Variants in ARL15 observed in about 807,000 individuals in gnomAD.
ARL15 encodes ARF like GTPase 15.
In ARL15, 19 loss-of-function variants were observed where a neutral mutation model predicts 25.2. The ratio of observed to expected loss-of-function variants is 0.75; its 90% CI spans 0.53 to 1.10. The LOEUF (loss-of-function observed/expected upper bound fraction) is 1.10. Ranked by LOEUF, ARL15 falls within the 50% of genes least tolerant of loss-of-function variation. The pLI is 0.00. For synonymous variants in ARL15, 94 were observed against 86.8 expected, an observed-to-expected ratio of 1.08 and a Z score of -0.46; for missense variants, 220 against 246.0, an observed-to-expected ratio of 0.89 and a Z score of 0.71.
At chr5:54,089,435 C>A (rs887259852) in intron 4 of ARL15, among the ~76,000 whole-genome samples, 2 of 151,944 alleles carry the variant, frequency 1.3e-5, no homozygotes, top group Non-Finnish European at 2.9e-5. Context: ...TCACATAATC[C>A]TCCCCATAAT....
chr5:54,296,215 G>A (rs1218012661), intron 1 of ARL15, among the ~76,000 whole-genome samples: 1 of 152,176 alleles, frequency 6.6e-6, no homozygotes, highest in African/African-American at 2.4e-5. Context: ...AGGCTGGTAG[G>A]GGGAAAATGA....
intron 4 of ARL15, among the ~76,000 whole-genome samples, chr5:54,109,182 T>G (rs1333033024): frequency 6.6e-6 from 1 of 152,022 alleles, no homozygotes; most frequent in African/African-American, 2.4e-5. Context: ...TATTTTCCTG[T>G]GTTAATGAGC....
At chr5:53,974,641 T>A (rs1282846797) in intron 4 of ARL15, among the ~76,000 whole-genome samples, 1 of 152,244 alleles carries the variant, frequency 6.6e-6, no homozygotes, top group South Asian at 2.1e-4. Context: ...GACAAATATT[T>A]AATAAACATG....
intron 4 of ARL15, among the ~76,000 whole-genome samples, chr5:54,071,912 G>T (rs1033681867): frequency 6.6e-6 from 1 of 150,538 alleles, no homozygotes; most frequent in Non-Finnish European, 1.5e-5. Context: ...GGTGGAGGTT[G>T]CAGTGAGCCA....
chr5:53,926,120 C>T lies in ARL15; in HGVS notation c.463-39407G>A, dbSNP rs533200418. Among the ~76,000 whole-genome samples the T allele has an allele frequency of 1.1e-3, 171 of 151,484 alleles. 1 individual carries two copies. Among genetic ancestry groups the T allele is most frequent in the Non-Finnish European group, 1.9e-3 (130 of 67,956 alleles). On this transcript the variant is annotated intron_variant, in intron 4 of 4. Coordinates refer to ENST00000504924, the MANE Select transcript of ARL15 (RefSeq NM_019087.3). ...TGTATCAGGCAAACAGAAACCACTCCAGTTATTCCAAGCTAAGGAATGTAA... is the reference window on the plus strand; with the variant it reads ...TGTATCAGGCAAACAGAAACCACTCTAGTTATTCCAAGCTAAGGAATGTAA...
At chr5:53,926,538 A>T (rs1190264201) in intron 4 of ARL15, among the ~76,000 whole-genome samples, 1 of 152,150 alleles carries the variant, frequency 6.6e-6, no homozygotes, top group African/African-American at 2.4e-5. Context: ...AGCAAATCAG[A>T]AGCATAAGGG....
At chr5:54,256,977 C>T (rs1329611585) in intron 1 of ARL15, among the ~76,000 whole-genome samples, 1 of 152,136 alleles carries the variant, frequency 6.6e-6, no homozygotes, top group African/African-American at 2.4e-5. Flanking sequence ...AACCCACAGC[C>T]AACATCATAC....
intron 4 of ARL15, among the ~76,000 whole-genome samples, chr5:54,013,058 C>T (rs975022333): frequency 1.3e-5 from 2 of 152,100 alleles, no homozygotes; most frequent in African/African-American, 4.8e-5. Flanking sequence ...CCTCAGCCTC[C>T]CAAAGTGCTG....
At chr5:54,278,226 G>A (rs1183721121) in intron 1 of ARL15, among the ~76,000 whole-genome samples, 1 of 152,178 alleles carries the variant, frequency 6.6e-6, no homozygotes, top group African/African-American at 2.4e-5. Flanking sequence ...ACATTCCTAA[G>A]AGCATTCCAA....
intron 2 of ARL15, among the ~76,000 whole-genome samples, chr5:54,160,918 C>A (rs1011283439): frequency 6.6e-6 from 1 of 152,094 alleles, no homozygotes; most frequent in Non-Finnish European, 1.5e-5. Context: ...TTTTAATTGG[C>A]TTTATATTTT....
Position 54,253,158 on chromosome 5 carries a change from A to T in ARL15, c.48+57274T>A, listed in dbSNP as rs72754250. Among the ~76,000 whole-genome samples, 1,482 of 152,300 alleles carry T rather than the reference A, an allele frequency of 9.7e-3. 9 individuals are homozygous for T. Among genetic ancestry groups the T allele is most frequent in the Middle Eastern group, 0.021 (6 of 292 alleles). On this transcript the variant is annotated intron_variant, in intron 1 of 4. Transcript: ENST00000504924. ...GGCTATACATTGTTGAACTATAGGT[A>T]TACGGCATTTTATGGCTTCTCGGCA...
chr5:54,154,504 T>C, intron 3 of ARL15, 76 bp downstream of exon 3: 1 of 904,842 alleles, frequency 1.1e-6, no homozygotes, highest in South Asian at 1.7e-5. Context: ...TCATTATGTT[T>C]GAATTACATA....
chr5:54,074,691 A>C (rs1160651795), intron 4 of ARL15, among the ~76,000 whole-genome samples: 2 of 152,110 alleles, frequency 1.3e-5, no homozygotes, highest in Non-Finnish European at 2.9e-5. Flanking sequence ...AGTCAGAGAG[A>C]TTTTACTTTA....
intron 1 of ARL15, among the ~76,000 whole-genome samples, chr5:54,294,831 T>C (rs925879214): frequency 1.1e-4 from 17 of 152,262 alleles, no homozygotes; most frequent in Admixed American, 1.0e-3. Context: ...TGCAGTTATA[T>C]AAAGCAATTG....
At chr5:54,059,480 C>T (rs1750996639) in intron 4 of ARL15, among the ~76,000 whole-genome samples, 1 of 152,166 alleles carries the variant, frequency 6.6e-6, no homozygotes, top group Non-Finnish European at 1.5e-5. Context: ...ATGGCATGAG[C>T]CTGTTCATCA....
At chr5:53,962,870 T>A (rs976255936) in intron 4 of ARL15, among the ~76,000 whole-genome samples, 1 of 151,382 alleles carries the variant, frequency 6.6e-6, no homozygotes, top group African/African-American at 2.4e-5. Context: ...TTTATTTTTA[T>A]TTTTTTTTAA....
intron 3 of ARL15, among the ~76,000 whole-genome samples, chr5:54,152,421 ATGACTTAG>A (rs1359074897): frequency 6.6e-6 from 1 of 152,178 alleles, no homozygotes. Flanking sequence ...ATTTGAGGAA[ATGACTTAG>A]TGAATGAGCT....
chr5:54,058,836 C>G (rs7721934), intron 4 of ARL15, among the ~76,000 whole-genome samples: 2,544 of 152,184 alleles, frequency 0.017, 73 homozygotes, highest in African/African-American at 0.057. Flanking sequence ...AAGGCTCCCT[C>G]GGGTTACCAT....
intron 4 of ARL15, among the ~76,000 whole-genome samples, chr5:53,966,544 T>C (rs1747572597): frequency 6.6e-6 from 1 of 152,182 alleles, no homozygotes; most frequent in Non-Finnish European, 1.5e-5. Context: ...ACTGGTGTGC[T>C]GTTGGGACAA....
Sources: allele counts gnomAD v4.1 joint callset (sites outside exome capture counted in the v4.1 genomes callset), GRCh38; gene constraint gnomAD v4.1.1; transcripts MANE v1.5; gene names NCBI Gene and HGNC (gene_info 2026-07-23, HGNC 2026-07-21).